The following THSD7A variants were observed in gnomAD, a reference collection of about 807,000 sequenced individuals.
THSD7A encodes thrombospondin type 1 domain containing 7A.
In THSD7A, 96 loss-of-function variants were observed where a neutral mutation model predicts 231.3. The observed-to-expected ratio is 0.41, with a 90% CI of 0.35 to 0.49. The LOEUF (loss-of-function observed/expected upper bound fraction) is 0.49. Among genes scored for constraint, THSD7A ranks in the 20% least tolerant of loss-of-function variants. The pLI is 0.05. For missense variants in THSD7A, 2,290 were observed against 2,070.2 expected (o/e 1.11, Z -2.06); for synonymous variants, 940 against 743.3 (o/e 1.26, Z -4.30).
chr7:11,642,327 T>C lies in THSD7A; in HGVS notation c.191-5366A>G, dbSNP rs1319016862. 3.0e-4 allele frequency among the ~76,000 whole-genome samples: 45 copies of C among 152,144 alleles called. 3 individuals are homozygous for C. Among genetic ancestry groups the C allele is most frequent in the Admixed American group, 2.9e-3 (45 of 15,272 alleles). ...GGTTCAAAAATTGCTTCTTTTATTG[T>C]TTTGTTCATTATTATTTAGAAGGAA... On this transcript the variant is annotated intron_variant, in intron 1 of 27. Coordinates refer to ENST00000423059, the MANE Select transcript of THSD7A (RefSeq NM_015204.3).
intron 1 of THSD7A, among the ~76,000 whole-genome samples, chr7:11,715,681 G>A (rs544257563): frequency 1.8e-4 from 27 of 151,456 alleles, no homozygotes; most frequent in African/African-American, 6.5e-4. Flanking sequence ...AAGCTACAGC[G>A]TTATTTGAAT....
At chr7:11,498,178 C>T (rs974738825) in intron 6 of THSD7A, among the ~76,000 whole-genome samples, 2 of 152,190 alleles carry the variant, frequency 1.3e-5, no homozygotes, top group Non-Finnish European at 2.9e-5. Flanking sequence ...TAACAGCCCA[C>T]AGACCCCACT....
intron 16 of THSD7A, among the ~76,000 whole-genome samples, chr7:11,421,972 A>C (rs1282090734): frequency 3.3e-5 from 5 of 152,192 alleles, no homozygotes; most frequent in Non-Finnish European, 5.9e-5. Flanking sequence ...GGCACTTTAA[A>C]TTCCTTTGTT....
chr7:11,724,203 G>C (rs1562506133), intron 1 of THSD7A, among the ~76,000 whole-genome samples: 1 of 151,876 alleles, frequency 6.6e-6, no homozygotes, highest in Non-Finnish European at 1.5e-5. Context: ...AAAGAATGTA[G>C]CTGCTACTTA....
chr7:11,519,552 CTTGGAA>C (rs1341991605), intron 6 of THSD7A, among the ~76,000 whole-genome samples: 2 of 152,126 alleles, frequency 1.3e-5, no homozygotes, highest in Admixed American at 6.5e-5. Flanking sequence ...CTCGCTAACT[CTTGGAA>C]TTGTTTAGCT....
At chr7:11,583,006 A>G (rs1487141337) in intron 4 of THSD7A, among the ~76,000 whole-genome samples, 2 of 151,812 alleles carry the variant, frequency 1.3e-5, no homozygotes, top group Non-Finnish European at 2.9e-5. Context: ...TCAACTCTGC[A>G]TGACTATTAT....
intron 2 of THSD7A, among the ~76,000 whole-genome samples, chr7:11,609,012 G>C (rs925829630): frequency 5.9e-5 from 9 of 152,062 alleles, no homozygotes; most frequent in African/African-American, 2.2e-4. Flanking sequence ...TCCAAACCAA[G>C]TATTCTATGT....
chr7:11,807,409 T>C (rs1483696591), intron 1 of THSD7A, among the ~76,000 whole-genome samples: 1 of 152,154 alleles, frequency 6.6e-6, no homozygotes, highest in Non-Finnish European at 1.5e-5. Flanking sequence ...TTTGGGGTAT[T>C]AAGAGGGACT....
intron 1 of THSD7A, among the ~76,000 whole-genome samples, chr7:11,689,180 T>G (rs888283369): frequency 6.6e-6 from 1 of 151,874 alleles, no homozygotes; most frequent in Non-Finnish European, 1.5e-5. Context: ...AATTCTTTAT[T>G]TGAAAAAGCA....
intron 1 of THSD7A, among the ~76,000 whole-genome samples, chr7:11,727,832 C>A (rs1781599993): frequency 6.6e-6 from 1 of 151,960 alleles, no homozygotes; most frequent in African/African-American, 2.4e-5. Flanking sequence ...CATTAACAGT[C>A]TAACCCTCTT....
chr7:11,435,366 T>C (rs528593803), intron 13 of THSD7A, among the ~76,000 whole-genome samples: 17 of 152,224 alleles, frequency 1.1e-4, no homozygotes, highest in South Asian at 8.3e-4. Context: ...TATGATTTTA[T>C]GCTGTAAGGA....
intron 11 of THSD7A, 98 bp downstream of exon 11, chr7:11,460,564 C>G (rs1214792011): frequency 1.2e-6 from 1 of 865,664 alleles, no homozygotes; most frequent in Non-Finnish European, 1.8e-6. Context: ...ATCTGCTTTG[C>G]TCTGTTTGCT....
chr7:11,700,154 G>A (rs186451090), intron 1 of THSD7A, among the ~76,000 whole-genome samples: 389 of 151,230 alleles, frequency 2.6e-3, no homozygotes, highest in Non-Finnish European at 4.1e-3. Context: ...CTAAAGCTAC[G>A]GGACTTTATC....
intron 11 of THSD7A, among the ~76,000 whole-genome samples, chr7:11,450,553 T>C (rs1202271092): frequency 6.6e-6 from 1 of 151,992 alleles, no homozygotes; most frequent in African/African-American, 2.4e-5. Flanking sequence ...CAATCTGAAA[T>C]GAACTTCCTG....
At chr7:11,792,422 C>T (rs1783983158) in intron 1 of THSD7A, among the ~76,000 whole-genome samples, 2 of 152,058 alleles carry the variant, frequency 1.3e-5, no homozygotes, top group South Asian at 4.1e-4. Flanking sequence ...ACTCCTAACG[C>T]CAAGCTCTAT....
chr7:11,513,267 T>C (rs1583882584), intron 6 of THSD7A, among the ~76,000 whole-genome samples: 1 of 151,386 alleles, frequency 6.6e-6, no homozygotes, highest in East Asian at 1.9e-4. Context: ...AAAAACTTAC[T>C]CATGTAACCA....
intron 9 of THSD7A, among the ~76,000 whole-genome samples, chr7:11,464,173 A>T (rs532542943): frequency 6.7e-6 from 1 of 149,764 alleles, no homozygotes; most frequent in African/African-American, 2.5e-5. Context: ...TTTTTTTTTT[A>T]AAGTATACAA....
intron 1 of THSD7A, among the ~76,000 whole-genome samples, chr7:11,793,038 G>A (rs555590812): frequency 6.6e-6 from 1 of 151,836 alleles, no homozygotes; most frequent in African/African-American, 2.4e-5. Context: ...GTTATGATGG[G>A]AAACAGAAAA....
chr7:11,828,692 C>G (rs1165796239), intron 1 of THSD7A, among the ~76,000 whole-genome samples: 6 of 151,824 alleles, frequency 4.0e-5, no homozygotes, highest in African/African-American at 1.2e-4. Flanking sequence ...CTCAAAAACT[C>G]TTTGTTGTGA....
Sources: allele counts gnomAD v4.1 joint callset (sites outside exome capture counted in the v4.1 genomes callset), GRCh38; gene constraint gnomAD v4.1.1; transcripts MANE v1.5; gene names NCBI Gene and HGNC (gene_info 2026-07-23, HGNC 2026-07-21).